The following AKAP7 variants were observed in gnomAD, a reference collection of about 807,000 sequenced individuals.
AKAP7 encodes A kinase (PRKA) anchor protein 7.
AKAP7 carries 39 observed loss-of-function variants against 39.5 expected under a neutral mutation model. That is an observed-to-expected ratio of 0.99 (90% CI 0.76 to 1.29). The LOEUF is 1.29. Among genes scored for constraint, AKAP7 ranks in the 50% most tolerant of loss-of-function variants. AKAP7 has a pLI of 0.00. For synonymous variants in AKAP7, 140 were observed against 139.1 expected (o/e 1.01, Z -0.05); for missense variants, 414 against 407.7 (o/e 1.02, Z -0.13).
rs1323611325 is a variant in AKAP7, at chr6:131,211,975, C to A, written c.703-7686C>A. ...TACCTAAATGTGCTCAGAACACTTA[C>A]ATTAGCCTACAGTTGGGCAAAATCA... On this transcript the variant is annotated intron_variant, in intron 6 of 7. Coordinates refer to ENST00000431975, the MANE Select transcript of AKAP7 (RefSeq NM_016377.4). Among the ~76,000 whole-genome samples the A allele has an allele frequency of 3.3e-5, 5 of 152,114 alleles. No homozygotes were observed. In the East Asian group the frequency reaches 9.6e-4, roughly 29 times the overall value.
At chr6:131,166,861 A>G (rs929974494) in intron 4 of AKAP7, among the ~76,000 whole-genome samples, 2 of 152,294 alleles carry the variant, frequency 1.3e-5, no homozygotes, top group African/African-American at 4.8e-5. Flanking sequence ...TTCTTGTCCT[A>G]TATTGATTCC....
At chr6:131,156,244 A>G (rs2128235264) in intron 2 of AKAP7, among the ~76,000 whole-genome samples, 1 of 152,254 alleles carries the variant, frequency 6.6e-6, no homozygotes, top group Non-Finnish European at 1.5e-5. Context: ...ATATAAGGGG[A>G]TGGATGCTAG....
At chr6:131,220,494 A>C (rs1398663602) in intron 7 of AKAP7, among the ~76,000 whole-genome samples, 2 of 152,194 alleles carry the variant, frequency 1.3e-5, no homozygotes, top group East Asian at 1.9e-4. Context: ...CAAACCAGAC[A>C]CTATTCTTTT....
upstream of AKAP7, among the ~76,000 whole-genome samples, chr6:131,132,649 C>G (rs1255391001): frequency 6.6e-6 from 1 of 152,110 alleles, no homozygotes; most frequent in African/African-American, 2.4e-5. Context: ...TCTAGAATGT[C>G]ACACATTCTG....
chr6:131,250,530 G>C (rs770498428), intron 7 of AKAP7: 1 of 1,613,488 alleles, frequency 6.2e-7, no homozygotes, highest in Non-Finnish European at 8.5e-7. Flanking sequence ...GGGTCCTCAC[G>C]GAGAAGAACA....
At chr6:131,251,893 G>T (rs1812473813) in intron 7 of AKAP7, among the ~76,000 whole-genome samples, 1 of 152,250 alleles carries the variant, frequency 6.6e-6, no homozygotes. Context: ...TGTAGTTCCT[G>T]AAGATTTGGG....
chr6:131,212,050 CTATTGAA>C (rs1185462332), intron 6 of AKAP7, among the ~76,000 whole-genome samples: 1 of 152,178 alleles, frequency 6.6e-6, no homozygotes. Flanking sequence ...CTCATGTAAG[CTATTGAA>C]TATTGCACTG....
At chr6:131,219,587 A>C in intron 6 of AKAP7, 74 bp from the exon 7 acceptor site, 2 of 1,375,062 alleles carry the variant, frequency 1.5e-6, no homozygotes, top group East Asian at 5.1e-5. Context: ...ATCAGGTTCA[A>C]AGAAAGTGAT....
intron 4 of AKAP7, among the ~76,000 whole-genome samples, chr6:131,166,620 T>A (rs1488342107): frequency 6.6e-6 from 1 of 152,178 alleles, no homozygotes; most frequent in Non-Finnish European, 1.5e-5. Flanking sequence ...GACTCCAGTC[T>A]TTTCTATTAA....
At chr6:131,189,882 G>A (rs1806237869) in intron 5 of AKAP7, among the ~76,000 whole-genome samples, 1 of 152,176 alleles carries the variant, frequency 6.6e-6, no homozygotes, top group South Asian at 2.1e-4. Flanking sequence ...TGATGTATGT[G>A]TTTTGTGATT....
intron 7 of AKAP7, among the ~76,000 whole-genome samples, chr6:131,255,235 C>T (rs1179876182): frequency 6.6e-6 from 1 of 152,148 alleles, no homozygotes; most frequent in Non-Finnish European, 1.5e-5. Context: ...TGGCACCAGA[C>T]CCTAACATAG....
Position 131,282,082 on chromosome 6 carries a change from A to C in AKAP7, c.*356A>C. On this transcript the variant is annotated 3_prime_UTR_variant, in exon 8 of 8. Transcript: ENST00000431975. Reference sequence around the variant, plus strand: ...AATACTGCCATTTATATTGCTTAGCAGGGCATTTGACTACTTTATCTGAGG... The same window carrying C: ...AATACTGCCATTTATATTGCTTAGCCGGGCATTTGACTACTTTATCTGAGG... 1 of 1,141,498 alleles carries C rather than the reference A, an allele frequency of 8.8e-7. No homozygotes were observed. The highest frequency in any genetic ancestry group is 1.6e-5 in the African/African-American group (1 of 62,402). The allele number at this position is 1,141,498 out of a possible 1,614,324, so 70.7% of individuals were successfully genotyped here. A position where few individuals can be genotyped will look rare whatever the true frequency, so the allele number is the denominator to read the frequency against.
At chr6:131,266,837 T>G (rs2128331042) in intron 7 of AKAP7, among the ~76,000 whole-genome samples, 1 of 152,298 alleles carries the variant, frequency 6.6e-6, no homozygotes, top group Non-Finnish European at 1.5e-5. Context: ...CTCTTTAGCA[T>G]CACACTCTAT....
In AKAP7 at chr6:131,219,649, T is replaced by C; in HGVS notation, c.703-12T>C. 1.9e-6 allele frequency: 3 copies of C among 1,585,816 alleles called. No individual in the cohort carries two copies. Among genetic ancestry groups the C allele is most frequent in the South Asian group, 1.2e-5 (1 of 86,126 alleles). Reference sequence around the variant, plus strand: ...AAATGATTGATTGATTGATTTGTTTTTTCATTTCAAGGGAGTGAAAAAAAT... The same window carrying C: ...AAATGATTGATTGATTGATTTGTTTCTTCATTTCAAGGGAGTGAAAAAAAT... On this transcript the variant is annotated splice_polypyrimidine_tract_variant and intron_variant, in intron 6 of 7. Transcript: ENST00000431975.
At chr6:131,250,497 C>T in intron 7 of AKAP7, 1 of 1,611,756 alleles carries the variant, frequency 6.2e-7, no homozygotes, top group Non-Finnish European at 8.5e-7. Context: ...GCAGACTGTG[C>T]TATAAACTGC....
chr6:131,137,986 A>G (rs977222605), intron 1 of AKAP7, among the ~76,000 whole-genome samples: 1 of 152,012 alleles, frequency 6.6e-6, no homozygotes, highest in Admixed American at 6.6e-5. Flanking sequence ...TTTTTCTGTC[A>G]TTGCATTCTT....
At chr6:131,232,868 T>G (rs893807294) in intron 7 of AKAP7, among the ~76,000 whole-genome samples, 2 of 151,550 alleles carry the variant, frequency 1.3e-5, no homozygotes, top group Non-Finnish European at 2.9e-5. Context: ...GCAATGGTAT[T>G]ATTTCCTAAC....
chr6:131,184,605 A>G (rs7768335), intron 5 of AKAP7: 359,604 of 736,320 alleles, frequency 0.49, 89,776 homozygotes, highest in East Asian at 0.65. Context: ...CTGAGCAGCC[A>G]CAGTCGAAAC....
chr6:131,180,813 C>CT (rs1010420193), intron 5 of AKAP7, among the ~76,000 whole-genome samples: 1 of 106,220 alleles, frequency 9.4e-6, no homozygotes, highest in African/African-American at 3.1e-5. Flanking sequence ...TGAGACACCA[C>CT]TTTCTTTTTT....
Sources: gnomAD v4.1 joint callset for allele counts (sites outside exome capture counted in the v4.1 genomes callset) on GRCh38, gnomAD v4.1.1 for gene constraint, MANE v1.5 for transcripts, NCBI Gene and HGNC (gene_info 2026-07-23, HGNC 2026-07-21) for gene names.